CACNA1B: variants seen among roughly 807,000 people sequenced by gnomAD.
The protein encoded by CACNA1B is calcium voltage-gated channel subunit alpha1 B.
In CACNA1B, 70 loss-of-function variants were observed where a neutral mutation model predicts 247.2. The observed-to-expected ratio is 0.28, with a 90% confidence interval of 0.23 to 0.35. The LOEUF (loss-of-function observed/expected upper bound fraction) is 0.35, where lower values mean the gene tolerates loss of function less well. Ranked by LOEUF, CACNA1B falls within the 10% of genes least tolerant of loss-of-function variation. CACNA1B has a pLI of 1.00. For missense variants in CACNA1B, 2,367 were observed against 3,197.4 expected (o/e 0.74, Z 6.26); for synonymous variants, 1,231 against 1,294.4 (o/e 0.95, Z 1.05).
At chr9:137,995,358 A>G (rs980135871) in intron 15 of CACNA1B, among the ~76,000 whole-genome samples, 1 of 152,246 alleles carries the variant, frequency 6.6e-6, no homozygotes, top group African/African-American at 2.4e-5. Flanking sequence ...GGAAAAGAAT[A>G]GAGAACCCAG....
intron 11 of CACNA1B, 49 bp from the exon 12 acceptor site, chr9:137,975,858 A>C (rs928248833): frequency 1.8e-6 from 2 of 1,138,942 alleles, no homozygotes; most frequent in East Asian, 4.9e-5. Flanking sequence ...CTGGAGCCAG[A>C]GTGGGAGGAG....
chr9:137,908,849 T>C (rs1001093204), intron 3 of CACNA1B, among the ~76,000 whole-genome samples: 7 of 151,848 alleles, frequency 4.6e-5, no homozygotes, highest in Admixed American at 4.6e-4. Context: ...GCCAGGATGG[T>C]CTCGATCTCC....
intron 15 of CACNA1B, among the ~76,000 whole-genome samples, chr9:137,999,255 G>A (rs895293287): frequency 6.6e-5 from 10 of 152,020 alleles, no homozygotes; most frequent in Admixed American, 1.3e-4. Flanking sequence ...AATAAAAAAT[G>A]AATATTGCTG....
At chr9:137,925,593 A>G (rs1253930344) in intron 6 of CACNA1B, among the ~76,000 whole-genome samples, 3 of 152,102 alleles carry the variant, frequency 2.0e-5, no homozygotes, top group Non-Finnish European at 4.4e-5. Flanking sequence ...CAACTCCCTT[A>G]TTAGTTCTGG....
intron 37 of CACNA1B, among the ~76,000 whole-genome samples, chr9:138,099,507 C>T (rs1173570673): frequency 3.4e-5 from 5 of 149,230 alleles, no homozygotes; most frequent in Admixed American, 6.7e-5. Context: ...GTGGTGTGCA[C>T]GTGTCTGTGG....
In CACNA1B at chr9:138,121,593, C is replaced by T. The variant is rs376649735; in HGVS notation, c.6614C>T (p.Thr2205Met). The T allele has an allele frequency of 8.7e-6, 14 of 1,612,714 alleles. No homozygotes were observed. The highest frequency in any genetic ancestry group is 2.2e-5 in the East Asian group (1 of 44,840). The change falls in exon 47 of 47, where the codon ACG becomes ATG. Residue 2205 changes from threonine to methionine, a missense_variant. Thr to Met is a moderately conservative substitution (Grantham distance 81). Coordinates refer to ENST00000371372, the MANE Select transcript of CACNA1B (RefSeq NM_000718.4). The surrounding 1 kb of genome is among the most constrained non-coding windows in gnomAD (Gnocchi z 6.8). Reference protein sequence around the residue: ...LTPRPSITYKTANSSPIHFAG... With the variant: ...LTPRPSITYKMANSSPIHFAG... ...CCCCGCCCCAGCATCACCTACAAGACGGCCAACTCCTCACCCATCCACTTC... is the reference window on the plus strand; with the variant it reads ...CCCCGCCCCAGCATCACCTACAAGATGGCCAACTCCTCACCCATCCACTTC...
At chr9:138,082,252 G>A (rs898686485) in intron 36 of CACNA1B, among the ~76,000 whole-genome samples, 1 of 151,404 alleles carries the variant, frequency 6.6e-6, no homozygotes, top group Non-Finnish European at 1.5e-5. Context: ...TTCTGATAAA[G>A]GGTTAATATC....
intron 12 of CACNA1B, among the ~76,000 whole-genome samples, chr9:137,980,528 T>C (rs902467013): frequency 6.6e-6 from 1 of 152,248 alleles, no homozygotes; most frequent in African/African-American, 2.4e-5. Context: ...TTTCAAGTTT[T>C]ATTTAGATTC....
chr9:137,963,588 G>A (rs1958043738), intron 10 of CACNA1B, among the ~76,000 whole-genome samples: 1 of 152,104 alleles, frequency 6.6e-6, no homozygotes, highest in African/African-American at 2.4e-5. Flanking sequence ...TAGTAGAGAT[G>A]AGGTTTCACC....
At chr9:138,028,158 G>A (rs1429205777) in intron 20 of CACNA1B, among the ~76,000 whole-genome samples, 1 of 150,946 alleles carries the variant, frequency 6.6e-6, no homozygotes, top group Non-Finnish European at 1.5e-5. Context: ...GAGTAGCTGG[G>A]ATTACAGGCG....
intron 6 of CACNA1B, among the ~76,000 whole-genome samples, chr9:137,926,728 C>A (rs1474608634): frequency 1.3e-5 from 2 of 152,154 alleles, no homozygotes; most frequent in Admixed American, 6.5e-5. Flanking sequence ...TTGATAGTAG[C>A]CATTTTAATG....
intron 36 of CACNA1B, 96 bp from the exon 37 acceptor site, chr9:138,096,388 C>A: frequency 9.6e-7 from 1 of 1,038,890 alleles, no homozygotes; most frequent in Non-Finnish European, 1.5e-6. Context: ...CCCCTGCTAT[C>A]CTGAGAGCTT....
chr9:137,971,431 C>T lies in CACNA1B; in HGVS notation c.1382C>T (p.Ser461Leu), dbSNP rs1352217827. Reference sequence around the variant, plus strand: ...CTCAAGAGCGGGAAGACAGAGAGCTCGTCATACTTCCGGAGGAAGGAGAAG... The same window carrying T: ...CTCAAGAGCGGGAAGACAGAGAGCTTGTCATACTTCCGGAGGAAGGAGAAG... ...ASLKSGKTES[S>L]SYFRRKEKMF... The change falls in exon 11 of 47, where the codon TCG (serine) becomes TTG (leucine). Residue 461 changes from serine (S) to leucine (L), a missense_variant. By Grantham distance (145) the Ser-to-Leu change is moderately radical. Coordinates refer to ENST00000371372, the MANE Select transcript of CACNA1B (RefSeq NM_000718.4). The surrounding 1 kb of genome is among the most constrained non-coding windows in gnomAD (Gnocchi z 4.4). 9 of 1,613,412 alleles carry T rather than the reference C, an allele frequency of 5.6e-6. No individual in the cohort carries two copies. Among genetic ancestry groups the T allele is most frequent in the Admixed American group, 5.0e-5 (3 of 59,946 alleles).
At chr9:137,911,376 T>C (rs1957357797) in intron 3 of CACNA1B, among the ~76,000 whole-genome samples, 1 of 152,158 alleles carries the variant, frequency 6.6e-6, no homozygotes, top group Non-Finnish European at 1.5e-5. Flanking sequence ...AGGGTTTTTA[T>C]TGTCCTTTTT....
chr9:137,906,351 G>A (rs1391042965), intron 3 of CACNA1B, among the ~76,000 whole-genome samples: 1 of 152,162 alleles, frequency 6.6e-6, no homozygotes, highest in African/African-American at 2.4e-5. Flanking sequence ...TAAGGTGAAG[G>A]GAGGGAGAAA....
At chr9:137,978,115 C>T (rs1194423091) in intron 12 of CACNA1B, among the ~76,000 whole-genome samples, 9 of 131,666 alleles carry the variant, frequency 6.8e-5, no homozygotes, top group African/African-American at 2.6e-4. Flanking sequence ...GATGGGAGCA[C>T]TGCCCCCTCC....
intron 20 of CACNA1B, among the ~76,000 whole-genome samples, chr9:138,027,440 T>C (rs552003629): frequency 6.6e-6 from 1 of 152,296 alleles, no homozygotes; most frequent in African/African-American, 2.4e-5. Flanking sequence ...AATATACTTC[T>C]AACTCTTTCT....
At chr9:138,068,103 C>T (rs571696721) in intron 31 of CACNA1B, among the ~76,000 whole-genome samples, 8 of 152,184 alleles carry the variant, frequency 5.3e-5, no homozygotes, top group African/African-American at 1.7e-4. Flanking sequence ...CATAGGTGTG[C>T]GCAAGTCAAA....
chr9:137,958,875 C>T (rs1359275858), intron 10 of CACNA1B, among the ~76,000 whole-genome samples: 1 of 152,130 alleles, frequency 6.6e-6, no homozygotes, highest in Non-Finnish European at 1.5e-5. Context: ...TTTCCTTTCT[C>T]CTACTGTCCG....
Sources: allele counts gnomAD v4.1 joint callset (sites outside exome capture counted in the v4.1 genomes callset), GRCh38; gene constraint gnomAD v4.1.1; non-coding constraint Gnocchi (gnomAD v3.1); transcripts MANE v1.5; gene names NCBI Gene and HGNC (gene_info 2026-07-23, HGNC 2026-07-21).